The following TBC1D16 variants were observed in gnomAD, a reference collection of about 807,000 sequenced individuals.
TBC1D16 encodes the protein CTD-2529O21.1.
Under a neutral mutation model 74.7 loss-of-function variants are expected in TBC1D16, and 58 were observed. That is an observed-to-expected ratio of 0.78 (90% CI 0.63 to 0.97). The LOEUF (loss-of-function observed/expected upper bound fraction) is 0.97, where lower values mean the gene tolerates loss of function less well. TBC1D16 is among the 50% of genes least tolerant of loss of function. TBC1D16 has a pLI of 0.00. For synonymous variants in TBC1D16, 493 were observed against 474.7 expected (o/e 1.04, Z -0.50); for missense variants, 1,014 against 1,079.5 (o/e 0.94, Z 0.85).
chr17:80,026,951 C>T (rs1202858648), intron 1 of TBC1D16, among the ~76,000 whole-genome samples: 1 of 149,726 alleles, frequency 6.7e-6, no homozygotes, highest in East Asian at 1.9e-4. Flanking sequence ...CGAACAGAGG[C>T]GGGGGCAGCC....
rs923610089 is a variant in TBC1D16 at position 79,949,829 on chromosome 17, C to T, written c.1294G>A (p.Gly432Arg). 16 of 1,613,628 alleles carry T rather than the reference C, an allele frequency of 9.9e-6. No homozygotes were observed. In the South Asian group the frequency reaches 1.8e-4, roughly 18 times the overall value. The change falls in exon 7 of 12, where the codon GGG (glycine) becomes AGG (arginine). Residue 432 changes from glycine to arginine, a missense_variant. By Grantham distance (125) the Gly-to-Arg change is moderately radical. Transcript: ENST00000310924. ...FFGGIDVSIR[G>R]EVWPFLLRYY... ...CGCAGCAGGAAGGGCCAGACCTCCCCGCGGATTGACACATCAATACCGCCA... is the reference window on the plus strand; with the variant it reads ...CGCAGCAGGAAGGGCCAGACCTCCCTGCGGATTGACACATCAATACCGCCA...
chr17:79,951,301 T>C (rs2033030196), intron 5 of TBC1D16, 149 bp downstream of exon 5: 3 of 914,632 alleles, frequency 3.3e-6, no homozygotes, highest in African/African-American at 3.3e-5. Flanking sequence ...CCAAAGTTGC[T>C]GCTCTGACGG....
chr17:79,990,679 T>C lies in TBC1D16; in HGVS notation c.779+19481A>G, dbSNP rs960366188. Among the ~76,000 whole-genome samples the C allele has an allele frequency of 2.6e-5, 4 of 152,324 alleles. No homozygotes were observed. The South Asian group carries it at 6.2e-4, about 24-fold the overall frequency. On this transcript the variant is annotated intron_variant, in intron 3 of 11. Transcript: ENST00000310924. The surrounding 1 kb of genome is among the most constrained non-coding windows in gnomAD (Gnocchi z 4.8). ...TACCATTCCTATTTTTGTGCAACCA[T>C]GACACCACCCATCTCCAGAACTCTC...
In TBC1D16 at chr17:79,956,451, G is replaced by A. The variant is rs1258150904; in HGVS notation, c.780-3633C>T. ...GTATTTTTTATAGAGATGGGGTTTTGCCATGTTGCCCAGGCTGGTCTCAAA... is the reference window on the plus strand; with the variant it reads ...GTATTTTTTATAGAGATGGGGTTTTACCATGTTGCCCAGGCTGGTCTCAAA... On this transcript the variant is annotated intron_variant, in intron 3 of 11. Transcript: ENST00000310924. This position sits in a 1 kb window ranked among gnomAD's most constrained non-coding sequence, Gnocchi z 4.0. Among the ~76,000 whole-genome samples the A allele has an allele frequency of 1.3e-5, 2 of 151,960 alleles. No homozygotes were observed. Among genetic ancestry groups the A allele is most frequent in the African/African-American group, 4.8e-5 (2 of 41,346 alleles).
intron 3 of TBC1D16, among the ~76,000 whole-genome samples, chr17:79,963,386 C>T (rs1373965058): frequency 6.6e-6 from 1 of 152,116 alleles, no homozygotes; most frequent in East Asian, 1.9e-4. Context: ...GCACAATGTC[C>T]TCCAGGTTCA....
intron 4 of TBC1D16, among the ~76,000 whole-genome samples, 197 bp from the exon 5 acceptor site, chr17:79,951,794 A>G (rs760797614): frequency 2.0e-5 from 3 of 152,190 alleles, no homozygotes; most frequent in Non-Finnish European, 2.9e-5. Flanking sequence ...CGAAGATGGC[A>G]AAACTGCTCC....
chr17:79,970,877 AGCCCG>A (rs1287638326), intron 3 of TBC1D16, among the ~76,000 whole-genome samples: 1 of 32,370 alleles, frequency 3.1e-5, no homozygotes, highest in African/African-American at 2.1e-4. Context: ...ACGGAGAGTC[AGCCCG>A]GTGCAAAAAC....
At chr17:80,006,464 T>C (rs921737338) in intron 3 of TBC1D16, among the ~76,000 whole-genome samples, 5 of 152,006 alleles carry the variant, frequency 3.3e-5, no homozygotes, top group Non-Finnish European at 7.4e-5. Flanking sequence ...ATTAACCACC[T>C]TAGCCAAGGA....
rs969374998 is a variant in TBC1D16, at chr17:80,010,066, C to T, written c.779+94G>A. 16 of 1,098,418 alleles carry T rather than the reference C, an allele frequency of 1.5e-5. No individual in the cohort carries two copies. In the African/African-American group the frequency reaches 2.5e-4, roughly 17 times the overall value. The allele number at this position is 1,098,418 out of a possible 1,614,324, so 68.0% of individuals were successfully genotyped here. On this transcript the variant is annotated intron_variant, in intron 3 of 11. Coordinates refer to ENST00000310924, the MANE Select transcript of TBC1D16 (RefSeq NM_019020.4). This position sits in a 1 kb window ranked among gnomAD's most constrained non-coding sequence, Gnocchi z 8.8. ...AGGTCGGGCAGATGCCTCCAGCGCT[C>T]ACCTGGCATCACAGGTGACGCAGGT... is the stretch of plus-strand genomic sequence containing the variant.
rs777563835 is a variant in TBC1D16, at chr17:79,940,890, G to A, written c.2273C>T (p.Thr758Met). Residue 758 changes from threonine to methionine, a missense_variant, in exon 12 of 12, where the codon ACG becomes ATG. By Grantham distance (81) the Thr-to-Met change is moderately conservative (BLOSUM62 -1). Coordinates refer to ENST00000310924, the MANE Select transcript of TBC1D16 (RefSeq NM_019020.4). The surrounding 1 kb of genome is among the most constrained non-coding windows in gnomAD (Gnocchi z 5.4). ...SLREGKKGPK[T>M]PQDGFGFRR ...GCGGAAGCCGAAGCCGTCCTGCGGC[G>A]TCTTTGGGCCCTTCTTGCCTTCCCT... The A allele has an allele frequency of 2.4e-5, 37 of 1,573,860 alleles. No individual in the cohort carries two copies. In the Admixed American group the frequency reaches 2.8e-4, roughly 12 times the overall value.
In TBC1D16 at chr17:79,956,121, G is replaced by A. The variant is rs562467991; in HGVS notation, c.780-3303C>T. On this transcript the variant is annotated intron_variant, in intron 3 of 11. Transcript: ENST00000310924. The surrounding 1 kb of genome is among the most constrained non-coding windows in gnomAD (Gnocchi z 4.0). ...GCCCCGACACCTGTCAATGGAGGCC[G>A]TTCCAGACCCTCCGCCCACCCAAGC... is the stretch of plus-strand genomic sequence containing the variant. 3.9e-5 allele frequency among the ~76,000 whole-genome samples: 6 copies of A among 152,316 alleles called. No homozygotes were observed. Among genetic ancestry groups the A allele is most frequent in the East Asian group, 1.9e-4 (1 of 5,188 alleles).
At chr17:79,969,113 G>C (rs191072414) in intron 3 of TBC1D16, among the ~76,000 whole-genome samples, 1 of 151,970 alleles carries the variant, frequency 6.6e-6, no homozygotes, top group East Asian at 2.0e-4. Context: ...AAGGCCGAGC[G>C]TGGTGGCTCA....
chr17:79,977,730 T>A (rs1355993739), intron 3 of TBC1D16, among the ~76,000 whole-genome samples: 1 of 151,684 alleles, frequency 6.6e-6, no homozygotes, highest in Non-Finnish European at 1.5e-5. Flanking sequence ...CACACACACA[T>A]GTGCACACGG....
In TBC1D16 at chr17:79,986,330, G is replaced by A. The variant is rs1268386849; in HGVS notation, c.779+23830C>T. Among the ~76,000 whole-genome samples, 4 of 152,214 alleles carry A rather than the reference G, an allele frequency of 2.6e-5. No individual in the cohort carries two copies. The highest frequency in any genetic ancestry group is 2.1e-4 in the South Asian group (1 of 4,836). On this transcript the variant is annotated intron_variant, in intron 3 of 11. Coordinates refer to ENST00000310924, the MANE Select transcript of TBC1D16 (RefSeq NM_019020.4). This position sits in a 1 kb window ranked among gnomAD's most constrained non-coding sequence, Gnocchi z 6.0. ...CCAAGGCCACGTTCGCTTCATAAAC[G>A]CAAGGTGATCTCTGAGCACCTCTTA...
chr17:79,973,704 T>A, intron 3 of TBC1D16, among the ~76,000 whole-genome samples: 1 of 140,542 alleles, frequency 7.1e-6, no homozygotes, highest in African/African-American at 2.5e-5. Context: ...AGCGAGACTC[T>A]GTCTCAAAAA....
At position 79,977,762 on chromosome 17, in the gene TBC1D16, G is replaced by T. The variant is rs988853346; in HGVS notation, c.780-24944C>A. ...ACGGCGGTACTGGACTCATCCAGCC[G>T]AGAGGCTGGACTCTGCCAGCTTCCC... On this transcript the variant is annotated intron_variant, in intron 3 of 11. Coordinates refer to ENST00000310924, the MANE Select transcript of TBC1D16 (RefSeq NM_019020.4). Among the ~76,000 whole-genome samples the T allele has an allele frequency of 3.3e-5, 5 of 152,368 alleles. No individual in the cohort carries two copies. The East Asian group carries it at 9.6e-4, about 29-fold the overall frequency.
At chr17:80,025,013 CACACACACCACAGATGCACA>C (rs2036504472) in intron 1 of TBC1D16, among the ~76,000 whole-genome samples, 1 of 20,758 alleles carries the variant, frequency 4.8e-5, no homozygotes, top group Non-Finnish European at 9.6e-5. Flanking sequence ...CATAGACACA[CACACACACCACAGATGCACA>C]CATACCATGA....
chr17:79,934,067 G>A lies in TBC1D16; in HGVS notation c.*6792C>T, dbSNP rs2031430601. ...CTGAGCAGCCACCGCCAGCCCTGAG[G>A]GCTGCGGGACAACAGAGAGCCGGGC... is the stretch of plus-strand genomic sequence containing the variant. On this transcript the variant is annotated 3_prime_UTR_variant, in exon 12 of 12. Coordinates refer to ENST00000310924, the MANE Select transcript of TBC1D16 (RefSeq NM_019020.4). 1 of 152,260 alleles carries A rather than the reference G, an allele frequency of 6.6e-6. No individual in the cohort carries two copies. Among genetic ancestry groups the A allele is most frequent in the African/African-American group, 2.4e-5 (1 of 41,462 alleles). 9.4% of individuals were successfully genotyped at this position (152,260 alleles called of 1,614,324 possible). A position where few individuals can be genotyped will look rare whatever the true frequency, so the allele number is the denominator to read the frequency against.
chr17:79,995,602 A>T (rs1344854341), intron 3 of TBC1D16, among the ~76,000 whole-genome samples: 1 of 144,840 alleles, frequency 6.9e-6, no homozygotes. Context: ...TGGCTAACAC[A>T]GTGAAACCCC....
Sources: gnomAD v4.1 joint callset for allele counts (sites outside exome capture counted in the v4.1 genomes callset) on GRCh38, gnomAD v4.1.1 for gene constraint, Gnocchi (gnomAD v3.1) non-coding constraint, MANE v1.5 for transcripts, NCBI Gene and HGNC (gene_info 2026-07-23, HGNC 2026-07-21) for gene names.